Variants in NRXN1 observed in about 807,000 individuals in gnomAD.
NRXN1 encodes the protein neurexin 1.
A neutral mutation model predicts 150.9 loss-of-function variants in NRXN1; 39 were observed. The ratio of observed to expected loss-of-function variants is 0.26; its 90% CI spans 0.20 to 0.34. The LOEUF (loss-of-function observed/expected upper bound fraction) is 0.34, where lower values mean the gene tolerates loss of function less well. NRXN1 is among the 10% of genes least tolerant of loss of function. NRXN1 has a pLI of 1.00. For missense variants in NRXN1, 1,815 were observed against 1,949.9 expected (o/e 0.93, Z 1.30); for synonymous variants, 924 against 757.0 (o/e 1.22, Z -3.62).
intron 2 of NRXN1, among the ~76,000 whole-genome samples, chr2:50,933,839 C>T (rs957599348): frequency 6.6e-6 from 1 of 152,034 alleles, no homozygotes; most frequent in Non-Finnish European, 1.5e-5. Flanking sequence ...CCTTTTGTAA[C>T]CCTAATATAG....
chr2:51,023,584 T>C (rs1486972971), intron 2 of NRXN1, among the ~76,000 whole-genome samples: 2 of 152,234 alleles, frequency 1.3e-5, no homozygotes, highest in Non-Finnish European at 2.9e-5. Flanking sequence ...CATAGTATCA[T>C]GCACCCATCC....
chr2:49,975,077 G>T (rs1409106687), intron 21 of NRXN1, among the ~76,000 whole-genome samples: 7 of 150,512 alleles, frequency 4.7e-5, no homozygotes, highest in Non-Finnish European at 1.0e-4. Flanking sequence ...TTCAATGTGA[G>T]ATGATTATAT....
intron 5 of NRXN1, among the ~76,000 whole-genome samples, chr2:50,750,502 T>C (rs1416144246): frequency 6.6e-6 from 1 of 151,950 alleles, no homozygotes; most frequent in Non-Finnish European, 1.5e-5. Context: ...AATGATGAGA[T>C]AATGGATGCA....
chr2:49,994,148 T>A (rs896494672), intron 21 of NRXN1, among the ~76,000 whole-genome samples: 2 of 152,150 alleles, frequency 1.3e-5, no homozygotes, highest in Non-Finnish European at 2.9e-5. Context: ...ACGGGGGTGC[T>A]CCTCCTTAAT....
intron 17 of NRXN1, among the ~76,000 whole-genome samples, chr2:50,349,135 C>T (rs2078243133): frequency 6.6e-6 from 1 of 152,150 alleles, no homozygotes; most frequent in African/African-American, 2.4e-5. Flanking sequence ...ACACATGTCA[C>T]ATTCCTGTCA....
chr2:50,543,533 G>A (rs1299396186), intron 9 of NRXN1, among the ~76,000 whole-genome samples: 1 of 152,058 alleles, frequency 6.6e-6, no homozygotes, highest in African/African-American at 2.4e-5. Context: ...CATGTAAGAG[G>A]TAAAATGAAG....
Position 50,236,794 on chromosome 2 carries a change from G to C in NRXN1, c.3541C>G (p.His1181Asp). ...CTTATGCAAAAAGTACTTACTATATGCAGTTCTAGGTAGTCACCCAAGCCT... is the reference window on the plus strand; with the variant it reads ...CTTATGCAAAAAGTACTTACTATATCCAGTTCTAGGTAGTCACCCAAGCCT... Reference protein sequence around the residue: ...SSGLGDYLELHIHQGKIGVKF... With the variant: ...SSGLGDYLELDIHQGKIGVKF... Residue 1181 changes from histidine (H) to aspartate (D), a missense_variant, in exon 18 of 23, where the codon CAT becomes GAT. Transcript: ENST00000401669. 1.2e-6 allele frequency: 2 copies of C among 1,612,576 alleles called. No individual in the cohort carries two copies. The highest frequency in any genetic ancestry group is 1.7e-6 in the Non-Finnish European group (2 of 1,179,086).
chr2:50,159,127 C>T (rs2059212446), intron 18 of NRXN1, among the ~76,000 whole-genome samples: 1 of 152,032 alleles, frequency 6.6e-6, no homozygotes, highest in African/African-American at 2.4e-5. Context: ...ATTCTATATA[C>T]TTTTGCTGAA....
intron 12 of NRXN1, among the ~76,000 whole-genome samples, chr2:50,519,400 C>A (rs557371405): frequency 2.0e-5 from 3 of 151,972 alleles, no homozygotes; most frequent in South Asian, 4.1e-4. Flanking sequence ...GGAATTAATT[C>A]TTTGAAGTTA....
chr2:50,356,250 C>A (rs1021250709), intron 17 of NRXN1, among the ~76,000 whole-genome samples: 2 of 151,974 alleles, frequency 1.3e-5, no homozygotes, highest in Non-Finnish European at 2.9e-5. Context: ...ATATTTTTTT[C>A]TGGGATGGAT....
intron 8 of NRXN1, among the ~76,000 whole-genome samples, chr2:50,553,351 A>T (rs1172232919): frequency 6.6e-6 from 1 of 152,210 alleles, no homozygotes; most frequent in African/African-American, 2.4e-5. Context: ...CCATGCTAAG[A>T]CTTGAACTTA....
At chr2:50,518,739 A>C (rs1053411814) in intron 12 of NRXN1, among the ~76,000 whole-genome samples, 4 of 151,762 alleles carry the variant, frequency 2.6e-5, no homozygotes, top group Non-Finnish European at 4.4e-5. Flanking sequence ...AAGGATGTAC[A>C]TTTTTTCATA....
At chr2:50,201,685 C>G (rs1000763558) in intron 18 of NRXN1, among the ~76,000 whole-genome samples, 1 of 152,140 alleles carries the variant, frequency 6.6e-6, no homozygotes, top group African/African-American at 2.4e-5. Context: ...TTAAAACAAC[C>G]ATACACACGC....
chr2:50,202,531 A>G (rs1235584387), intron 18 of NRXN1, among the ~76,000 whole-genome samples: 1 of 152,062 alleles, frequency 6.6e-6, no homozygotes, highest in Non-Finnish European at 1.5e-5. Flanking sequence ...AACAAAAAAA[A>G]AGGAGGCAAT....
At chr2:50,314,497 A>G (rs2075431269) in intron 17 of NRXN1, among the ~76,000 whole-genome samples, 1 of 151,998 alleles carries the variant, frequency 6.6e-6, no homozygotes, top group African/African-American at 2.4e-5. Context: ...AAAGGCCAGA[A>G]GAGCTCTAAT....
At chr2:50,239,706 ATATATATATT>A (rs2152884097) in intron 17 of NRXN1, among the ~76,000 whole-genome samples, 1 of 96,184 alleles carries the variant, frequency 1.0e-5, no homozygotes, top group South Asian at 3.1e-4. Context: ...ATATATATAT[ATATATATATT>A]TATGACAGAA....
chr2:50,656,499 C>T (rs1289553835), intron 5 of NRXN1: 2 of 658,416 alleles, frequency 3.0e-6, no homozygotes, highest in Non-Finnish European at 5.6e-6. Context: ...CAACTGAGGT[C>T]TGGGGGTGAA....
At chr2:50,421,558 T>C (rs2084001433) in intron 17 of NRXN1, among the ~76,000 whole-genome samples, 1 of 152,152 alleles carries the variant, frequency 6.6e-6, no homozygotes, top group African/African-American at 2.4e-5. Context: ...ATGTATCTGA[T>C]TTGCATATGG....
intron 18 of NRXN1, among the ~76,000 whole-genome samples, chr2:50,113,576 T>A (rs1702649829): frequency 6.6e-6 from 1 of 152,230 alleles, no homozygotes. Context: ...ATCTGTTCCA[T>A]AATCTAATGA....
Sources: gnomAD v4.1 joint callset for allele counts (sites outside exome capture counted in the v4.1 genomes callset) on GRCh38, gnomAD v4.1.1 for gene constraint, MANE v1.5 for transcripts, NCBI Gene and HGNC (gene_info 2026-07-23, HGNC 2026-07-21) for gene names.